CLCN5: variants seen among roughly 807,000 people sequenced by gnomAD.
CLCN5 encodes H(+)/Cl(-) exchange transporter 5.
In CLCN5, 17 loss-of-function variants were observed where a neutral mutation model predicts 54.0. The observed-to-expected ratio is 0.31, with a 90% CI of 0.22 to 0.47. CLCN5 has a LOEUF of 0.47. Among genes scored for constraint, CLCN5 ranks in the 20% least tolerant of loss-of-function variants. The probability of loss-of-function intolerance (pLI) is 1.00; values close to 1 mark genes in which losing one functional copy is unlikely to be tolerated. For missense variants in CLCN5, 448 were observed against 646.7 expected, an observed-to-expected ratio of 0.69 and a Z score of 3.33; for synonymous variants, 222 against 233.0, an observed-to-expected ratio of 0.95 and a Z score of 0.43.
chrX:50,018,843 C>A (rs1207655912), intron 3 of CLCN5, among the ~76,000 whole-genome samples: 2 of 111,746 alleles, frequency 1.8e-5, no homozygotes, highest in African/African-American at 6.5e-5. Context: ...TTTATATATT[C>A]TCGTGCTCAA....
intron 3 of CLCN5, among the ~76,000 whole-genome samples, chrX:50,041,137 C>A (rs994425485): frequency 1.8e-5 from 2 of 112,148 alleles, no homozygotes; most frequent in Admixed American, 1.9e-4. Context: ...TTAAGGCCTG[C>A]TTTTTAGGCC....
In CLCN5 at chrX:50,086,326, A is replaced by C; in HGVS notation, c.1015-2A>C. On this transcript the variant is annotated splice_acceptor_variant, in intron 10 of 14. Coordinates refer to ENST00000376091, the MANE Select transcript of CLCN5 (RefSeq NM_001127898.4). LOFTEE classifies it high-confidence loss of function. ...TTTGCTTTCTCACCTTCTTTCTTCT[A>C]GGTCAGCTACTATTTTCCCCTCAAA... is the stretch of plus-strand genomic sequence containing the variant. 1 of 1,207,575 alleles carries C rather than the reference A, an allele frequency of 8.3e-7. No individual in the cohort carries two copies.
chrX:50,028,138 C>G (rs1247120192), intron 3 of CLCN5, among the ~76,000 whole-genome samples: 4 of 111,366 alleles, frequency 3.6e-5, no homozygotes, highest in African/African-American at 1.3e-4. Context: ...AGTGCTTCTC[C>G]CTTTCGTTTT....
chrX:50,029,753 G>A (rs2057814938), intron 3 of CLCN5, among the ~76,000 whole-genome samples: 1 of 112,048 alleles, frequency 8.9e-6, no homozygotes, highest in Admixed American at 9.4e-5. Context: ...TGGAGAGGAT[G>A]TAGAGAAATA....
intron 3 of CLCN5, among the ~76,000 whole-genome samples, chrX:49,951,729 T>A (rs1450879924): frequency 8.9e-6 from 1 of 111,899 alleles, no homozygotes; most frequent in African/African-American, 3.2e-5. Context: ...AGAGGTCCCC[T>A]CTATACTCAA....
chrX:50,069,692 C>G (rs1933155788), intron 4 of CLCN5, 187 bp from the exon 5 acceptor site: 2 of 1,020,231 alleles, frequency 2.0e-6, no homozygotes, highest in Non-Finnish European at 2.5e-6. Flanking sequence ...AGCCACTCAT[C>G]ATTTTGTGCC....
At chrX:49,933,398 T>C (rs1386601004) in intron 3 of CLCN5, among the ~76,000 whole-genome samples, 2 of 112,219 alleles carry the variant, frequency 1.8e-5, no homozygotes, top group East Asian at 2.8e-4. Flanking sequence ...CAAAAAATTA[T>C]TCTCTAAGAG....
At chrX:50,057,815 A>T (rs1277563375) in intron 4 of CLCN5, among the ~76,000 whole-genome samples, 1 of 109,908 alleles carries the variant, frequency 9.1e-6, no homozygotes, top group Non-Finnish European at 1.9e-5. Context: ...GAAAGTTCCT[A>T]CAAATGTTGA....
At chrX:50,047,631 C>A (rs1257296633) in intron 4 of CLCN5, among the ~76,000 whole-genome samples, 1 of 111,287 alleles carries the variant, frequency 9.0e-6, no homozygotes, top group Non-Finnish European at 1.9e-5. Flanking sequence ...GTGTCTCATC[C>A]AGGATACTAT....
At chrX:50,073,481 C>T (rs1261827895) in intron 6 of CLCN5, among the ~76,000 whole-genome samples, 2 of 111,873 alleles carry the variant, frequency 1.8e-5, no homozygotes, top group East Asian at 5.6e-4. Flanking sequence ...GTTTACTGAT[C>T]TGTAAAATGG....
chrX:49,961,379 G>A (rs1927589192), intron 3 of CLCN5, among the ~76,000 whole-genome samples: 1 of 111,821 alleles, frequency 8.9e-6, no homozygotes, highest in African/African-American at 3.3e-5. Flanking sequence ...TTCATTAACA[G>A]CTTAGTGAAG....
chrX:50,048,813 A>G (rs1003533560), intron 4 of CLCN5, among the ~76,000 whole-genome samples: 2 of 111,816 alleles, frequency 1.8e-5, no homozygotes, highest in Non-Finnish European at 3.8e-5. Flanking sequence ...ATACATGGAT[A>G]CTAGGTATGC....
chrX:50,032,097 A>G lies in CLCN5; in HGVS notation c.17-10219A>G, dbSNP rs1253809378. On this transcript the variant is annotated intron_variant, in intron 3 of 14. Transcript: ENST00000376091. ...GTATTCCATGGTGTATATGTGCCAC[A>G]TTTTCTTAATCCAGTCTATCATTGT... Among the ~76,000 whole-genome samples, 3 of 109,707 alleles carry G rather than the reference A, an allele frequency of 2.7e-5. No individual in the cohort carries two copies. In the East Asian group the frequency reaches 8.7e-4, roughly 32 times the overall value.
chrX:49,941,704 G>A (rs1926341174), intron 3 of CLCN5, among the ~76,000 whole-genome samples: 1 of 110,375 alleles, frequency 9.1e-6, no homozygotes, highest in Non-Finnish European at 1.9e-5. Context: ...TCATATTCTG[G>A]TTCCCACAAC....
intron 3 of CLCN5, among the ~76,000 whole-genome samples, chrX:49,933,544 G>A (rs1350479171): frequency 1.8e-5 from 2 of 112,083 alleles, no homozygotes; most frequent in Admixed American, 1.9e-4. Flanking sequence ...GTCACATCCG[G>A]GGTCAAGTGT....
At chrX:49,975,738 A>G (rs1211444392) in intron 3 of CLCN5, among the ~76,000 whole-genome samples, 1 of 111,747 alleles carries the variant, frequency 8.9e-6, no homozygotes, top group Non-Finnish European at 1.9e-5. Context: ...TCATCAATCC[A>G]AGTATCCCCA....
At chrX:49,987,887 C>A (rs1205588689) in intron 3 of CLCN5, among the ~76,000 whole-genome samples, 1 of 111,412 alleles carries the variant, frequency 9.0e-6, no homozygotes, top group African/African-American at 3.3e-5. Context: ...GCAAAGGAAT[C>A]CCAGGGTAGA....
At chrX:49,937,154 G>A (rs1480142782) in intron 3 of CLCN5, among the ~76,000 whole-genome samples, 3 of 110,987 alleles carry the variant, frequency 2.7e-5, no homozygotes, top group African/African-American at 9.8e-5. Flanking sequence ...GGTGCAGAAT[G>A]GTATATATTA....
Position 50,088,787 on chromosome X carries a change from C to T in CLCN5, c.1647C>T (p.Tyr549=). Residue 549 remains tyrosine, a synonymous_variant, in exon 12 of 15, where the codon TAC becomes TAT. Coordinates refer to ENST00000376091, the MANE Select transcript of CLCN5 (RefSeq NM_001127898.4). Reference sequence around the variant, plus strand: ...TAGGAATGGAACAGCTGGCTTATTACCACCAGGAATGGACCGTCTTCAATA... The same window carrying T: ...TAGGAATGGAACAGCTGGCTTATTATCACCAGGAATGGACCGTCTTCAATA... ...LGVGMEQLAY[Y]HQEWTVFNSW... 1 of 1,211,158 alleles carries T rather than the reference C, an allele frequency of 8.3e-7. No individual in the cohort carries two copies. The highest frequency in any genetic ancestry group is 1.8e-5 in the South Asian group (1 of 56,984).
Sources: allele counts gnomAD v4.1 joint callset (sites outside exome capture counted in the v4.1 genomes callset), GRCh38; gene constraint gnomAD v4.1.1; transcripts MANE v1.5; gene names NCBI Gene and HGNC (gene_info 2026-07-23, HGNC 2026-07-21).